SLC3A1: variants seen among roughly 807,000 people sequenced by gnomAD.
The protein encoded by SLC3A1 is solute carrier family 3 member 1.
A neutral mutation model predicts 60.3 loss-of-function variants in SLC3A1; 78 were observed. That is an observed-to-expected ratio of 1.29 (90% confidence interval 1.08 to 1.56). The LOEUF (loss-of-function observed/expected upper bound fraction) is 1.56, where lower values mean the gene tolerates loss of function less well. Among genes scored for constraint, SLC3A1 ranks in the 40% most tolerant of loss-of-function variants. SLC3A1 has a pLI of 0.00. For missense variants in SLC3A1, 1,172 were observed against 858.9 expected, an observed-to-expected ratio of 1.36 and a Z score of -4.56; for synonymous variants, 392 against 307.9, an observed-to-expected ratio of 1.27 and a Z score of -2.86.
rs1221460678 is a variant in SLC3A1 at position 44,281,505 on chromosome 2, C to T, written c.729C>T (p.Thr243=). 1.9e-6 allele frequency: 3 copies of T among 1,613,964 alleles called. No homozygotes were observed. Among genetic ancestry groups the T allele is most frequent in the Non-Finnish European group, 2.5e-6 (3 of 1,179,922 alleles). Residue 243 remains threonine (T), a synonymous_variant, in exon 3 of 10, where the codon ACC becomes ACT. Transcript: ENST00000260649. ...ATTATTATATCTGGCATGACTGTACCCATGAAAATGGCAAAACCATTCCAC... is the reference window on the plus strand; with the variant it reads ...ATTATTATATCTGGCATGACTGTACTCATGAAAATGGCAAAACCATTCCAC... ...YTDYYIWHDC[T]HENGKTIPPN...
In SLC3A1 at chr2:44,300,063, G is replaced by A. The variant is rs1254032601; in HGVS notation, c.984G>A (p.Glu328=). The A allele has an allele frequency of 6.8e-6, 11 of 1,613,814 alleles. No individual in the cohort carries two copies. Among genetic ancestry groups the A allele is most frequent in the Non-Finnish European group, 9.3e-6 (11 of 1,179,854 alleles). The change falls in exon 5 of 10, where the codon GAG becomes GAA. Residue 328 remains glutamate (E), a synonymous_variant. Coordinates refer to ENST00000260649, the MANE Select transcript of SLC3A1 (RefSeq NM_000341.4). Reference sequence around the variant, plus strand: ...TAGAAGCAAAGCACCTGAGAGATGAGATCCAAGTAAATAAGACCCAAATCC... The same window carrying A: ...TAGAAGCAAAGCACCTGAGAGATGAAATCCAAGTAAATAAGACCCAAATCC... ...FLLEAKHLRD[E]IQVNKTQIPD...
At chr2:44,297,692 C>G (rs943852411) in intron 4 of SLC3A1, among the ~76,000 whole-genome samples, 1 of 152,184 alleles carries the variant, frequency 6.6e-6, no homozygotes, top group African/African-American at 2.4e-5. Flanking sequence ...GTCATTCTTT[C>G]ATGCTACAAT....
At position 44,321,393 on chromosome 2, in the gene SLC3A1, C is replaced by T. The variant is rs372256353; in HGVS notation, c.*754C>T. ...GTATTTCTTAAGATCCTCGAAAACA[C>T]TGGTGCTGTCAAGTCCAAGTTCCTC... is the stretch of plus-strand genomic sequence containing the variant. On this transcript the variant is annotated 3_prime_UTR_variant, in exon 10 of 10. Coordinates refer to ENST00000260649, the MANE Select transcript of SLC3A1 (RefSeq NM_000341.4). 6 of 1,612,742 alleles carry T rather than the reference C, an allele frequency of 3.7e-6. No individual in the cohort carries two copies. The highest frequency in any genetic ancestry group is 2.2e-5 in the East Asian group (1 of 44,854).
intron 4 of SLC3A1, among the ~76,000 whole-genome samples, chr2:44,296,393 A>C (rs887597091): frequency 2.3e-4 from 35 of 152,338 alleles, no homozygotes; most frequent in African/African-American, 8.2e-4. Context: ...CCTGGTATAC[A>C]CTAGGAGTTC....
chr2:44,305,688 A>T (rs1212046824), intron 7 of SLC3A1, among the ~76,000 whole-genome samples: 1 of 151,864 alleles, frequency 6.6e-6, no homozygotes, highest in Non-Finnish European at 1.5e-5. Flanking sequence ...TCAGCCTCCC[A>T]AAAGTGCTGG....
At chr2:44,276,373 G>T (rs1671341885) in intron 1 of SLC3A1, among the ~76,000 whole-genome samples, 1 of 152,140 alleles carries the variant, frequency 6.6e-6, no homozygotes, top group African/African-American at 2.4e-5. Context: ...TTGGCTGTGT[G>T]GCTGGGAGTG....
In SLC3A1 at chr2:44,300,054, G is replaced by C; in HGVS notation, c.975G>C (p.Leu325=). The C allele has an allele frequency of 6.2e-7, 1 of 1,613,746 alleles. No homozygotes were observed. The highest frequency in any genetic ancestry group is 2.2e-5 in the East Asian group (1 of 44,866). ...AATTCCTCCTAGAAGCAAAGCACCT[G>C]AGAGATGAGATCCAAGTAAATAAGA... ...AVKFLLEAKH[L]RDEIQVNKTQ... is the part of the protein sequence containing the mutation. Residue 325 remains leucine, a synonymous_variant, in exon 5 of 10, where the codon CTG becomes CTC. Transcript: ENST00000260649.
intron 4 of SLC3A1, among the ~76,000 whole-genome samples, chr2:44,290,472 C>T (rs902715989): frequency 9.9e-5 from 15 of 152,132 alleles, no homozygotes; most frequent in African/African-American, 3.6e-4. Flanking sequence ...AAGAAGCCTG[C>T]TGTGGTTTTG....
At position 44,304,265 on chromosome 2, in the gene SLC3A1, C is replaced by T; in HGVS notation, c.1259C>T (p.Ser420Phe). The T allele has an allele frequency of 6.2e-7, 1 of 1,614,150 alleles. No homozygotes were observed. The highest frequency in any genetic ancestry group is 8.5e-7 in the Non-Finnish European group (1 of 1,179,996). ...NNYLSMLDTV[S>F]GNSVYEVITS... is the part of the protein sequence containing the mutation. Reference sequence around the variant, plus strand: ...TACCTCAGCATGCTAGACACTGTTTCTGGGAACAGCGTGTATGAGGTTATC... The same window carrying T: ...TACCTCAGCATGCTAGACACTGTTTTTGGGAACAGCGTGTATGAGGTTATC... Residue 420 changes from serine to phenylalanine, a missense_variant, in exon 7 of 10, where the codon TCT (serine) becomes TTT (phenylalanine). Coordinates refer to ENST00000260649, the MANE Select transcript of SLC3A1 (RefSeq NM_000341.4).
chr2:44,313,936 CA>C lies in SLC3A1; in HGVS notation c.1603del (p.Thr535LeufsTer2). 7 of 1,614,050 alleles carry C rather than the reference CA, an allele frequency of 4.3e-6. No individual in the cohort carries two copies. On this transcript the variant is annotated frameshift_variant, in exon 9 of 10. Transcript: ENST00000260649. LOFTEE classifies it low-confidence loss of function (END_TRUNC). ...GGTTACCTACCAATTCAGATTACCA[CA>C]CTGTGAATGTTGATGTAAGTATCAG... The part of the protein sequence containing the change: ...TWLPTNSDYH[T>X]VNVDVQKTQP...
intron 4 of SLC3A1, among the ~76,000 whole-genome samples, chr2:44,297,324 G>A (rs1399951524): frequency 2.0e-5 from 3 of 152,276 alleles, no homozygotes; most frequent in Middle Eastern, 6.8e-3. Context: ...GAGGCAGGTA[G>A]CTGAGGCTCA....
At chr2:44,306,648 G>A (rs886194879) in intron 7 of SLC3A1, among the ~76,000 whole-genome samples, 2 of 150,344 alleles carry the variant, frequency 1.3e-5, no homozygotes, top group African/African-American at 4.9e-5. Flanking sequence ...CTGCCTCCTG[G>A]GTTCAAGTAA....
chr2:44,278,120 A>G (rs1482048081), intron 1 of SLC3A1, among the ~76,000 whole-genome samples: 1 of 151,938 alleles, frequency 6.6e-6, no homozygotes, highest in Non-Finnish European at 1.5e-5. Flanking sequence ...AGCTACCCAT[A>G]TGGGGGAACT....
At chr2:44,316,335 G>A (rs1466120031) in intron 9 of SLC3A1, 1 of 152,154 alleles carries the variant, frequency 6.6e-6, no homozygotes, top group Non-Finnish European at 1.5e-5. Context: ...CTTTCAAGAA[G>A]TGATTAGATC....
At chr2:44,302,654 C>G (rs1558463481) in intron 6 of SLC3A1, among the ~76,000 whole-genome samples, 1 of 152,144 alleles carries the variant, frequency 6.6e-6, no homozygotes, top group Non-Finnish European at 1.5e-5. Flanking sequence ...GTGTCTTCCC[C>G]CAGGGTTTTG....
intron 9 of SLC3A1, among the ~76,000 whole-genome samples, chr2:44,315,653 CAAAAA>C (rs70965350): frequency 1.6e-3 from 83 of 52,620 alleles, no homozygotes; most frequent in Non-Finnish European, 2.2e-3. Flanking sequence ...AAGACCGCCT[CAAAAA>C]AAAAAAAAAA....
chr2:44,275,652 C>G lies in SLC3A1; in HGVS notation c.117C>G (p.Ser39Arg). 6.2e-7 allele frequency: 1 copy of G among 1,614,194 alleles called. No homozygotes were observed. The highest frequency in any genetic ancestry group is 8.5e-7 in the Non-Finnish European group (1 of 1,180,016). The change falls in exon 1 of 10, where the codon AGC (serine) becomes AGG (arginine). Residue 39 changes from serine (S) to arginine (R), a missense_variant. By Grantham distance (110) the Ser-to-Arg change is moderately radical. Coordinates refer to ENST00000260649, the MANE Select transcript of SLC3A1 (RefSeq NM_000341.4). ...DILEQTPDPG[S>R]STDNLKHSTR... The stretch of plus-strand genomic sequence containing the variant: ...TGGAGCAGACCCCGGATCCAGGAAG[C>G]TCAACAGACAACCTGAAGCACAGCA...
At chr2:44,285,553 G>C in intron 3 of SLC3A1, 1 of 404,170 alleles carries the variant, frequency 2.5e-6, no homozygotes, top group Non-Finnish European at 5.0e-6. Flanking sequence ...TATTCTTGGA[G>C]ACTGGTAGAG....
At chr2:44,310,442 C>G (rs766275945) in intron 7 of SLC3A1, among the ~76,000 whole-genome samples, 5 of 152,102 alleles carry the variant, frequency 3.3e-5, no homozygotes, top group Non-Finnish European at 5.9e-5. Context: ...TTTCTTTCAT[C>G]ACTTTGAATA....
Sources: gnomAD v4.1 joint callset for allele counts (sites outside exome capture counted in the v4.1 genomes callset) on GRCh38, gnomAD v4.1.1 for gene constraint, MANE v1.5 for transcripts, NCBI Gene and HGNC (gene_info 2026-07-23, HGNC 2026-07-21) for gene names.